Variants in GABRG3 observed in about 807,000 individuals in gnomAD.
GABRG3 encodes the protein gamma-aminobutyric acid type A receptor subunit gamma3, also known as gamma-aminobutyric acid receptor subunit gamma-3.
In GABRG3, 25 loss-of-function variants were observed where a neutral mutation model predicts 48.8. The ratio of observed to expected loss-of-function variants is 0.51; its 90% CI spans 0.37 to 0.72. The LOEUF (loss-of-function observed/expected upper bound fraction) is 0.72. Ranked by LOEUF, GABRG3 falls within the 30% of genes least tolerant of loss-of-function variation. The pLI, the probability that GABRG3 is intolerant of heterozygous loss-of-function variation, is 0.00. For missense variants in GABRG3, 394 were observed against 577.9 expected, an observed-to-expected ratio of 0.68 and a Z score of 3.26; for synonymous variants, 227 against 217.6, an observed-to-expected ratio of 1.04 and a Z score of -0.38.
intron 5 of GABRG3, among the ~76,000 whole-genome samples, chr15:27,383,679 A>G (rs1472652060): frequency 7.8e-6 from 1 of 128,422 alleles, no homozygotes; most frequent in Admixed American, 7.8e-5. Flanking sequence ...AGTCTAAAGG[A>G]AAAAAAAAAT....
chr15:27,026,774 G>A lies in GABRG3; in HGVS notation c.223G>A (p.Val75Ile), dbSNP rs751415932. ...DIGIKPTVID[V>I]DIYVNSIGPV... is the part of the protein sequence containing the mutation. Reference sequence around the variant, plus strand: ...CACAGTAAAACCGACCGTAATTGACGTTGACATTTATGTTAACAGCATTGG... The same window carrying A: ...CACAGTAAAACCGACCGTAATTGACATTGACATTTATGTTAACAGCATTGG... Residue 75 changes from valine (V) to isoleucine (I), a missense_variant, in exon 3 of 10, where the codon GTT becomes ATT. Physicochemically the swap from Val to Ile is conservative, Grantham distance 29. Coordinates refer to ENST00000615808, the MANE Select transcript of GABRG3 (RefSeq NM_033223.5). 19 of 1,611,266 alleles carry A rather than the reference G, an allele frequency of 1.2e-5. No individual in the cohort carries two copies. Among genetic ancestry groups the A allele is most frequent in the Admixed American group, 8.4e-5 (5 of 59,262 alleles).
intron 2 of GABRG3, among the ~76,000 whole-genome samples, chr15:26,985,232 G>A (rs1895129779): frequency 6.6e-6 from 1 of 152,186 alleles, no homozygotes; most frequent in Admixed American, 6.5e-5. Flanking sequence ...GTGCCACCAG[G>A]GCTTGCTTTC....
chr15:27,317,753 T>C (rs1039256916), intron 3 of GABRG3, among the ~76,000 whole-genome samples: 1 of 152,156 alleles, frequency 6.6e-6, no homozygotes, highest in East Asian at 1.9e-4. Context: ...TCAAACCTTT[T>C]GGAGCTAAAA....
At chr15:27,206,897 G>A (rs1595585340) in intron 3 of GABRG3, among the ~76,000 whole-genome samples, 1 of 151,994 alleles carries the variant, frequency 6.6e-6, no homozygotes, top group Non-Finnish European at 1.5e-5. Flanking sequence ...TTTTCTGTTT[G>A]TCTGATAGAT....
intron 3 of GABRG3, among the ~76,000 whole-genome samples, chr15:27,042,709 G>A (rs1417803885): frequency 1.3e-5 from 2 of 152,242 alleles, no homozygotes; most frequent in African/African-American, 4.8e-5. Context: ...CTCTCCACAT[G>A]CCCTTGGGGC....
chr15:27,045,097 C>G (rs1004325983), intron 3 of GABRG3, among the ~76,000 whole-genome samples: 1 of 152,116 alleles, frequency 6.6e-6, no homozygotes, highest in Non-Finnish European at 1.5e-5. Context: ...ACTACTGAGA[C>G]AGATTATTAT....
chr15:27,122,789 G>A (rs1039313884), intron 3 of GABRG3, among the ~76,000 whole-genome samples: 1 of 152,206 alleles, frequency 6.6e-6, no homozygotes, highest in Non-Finnish European at 1.5e-5. Flanking sequence ...AGAGAATTAG[G>A]TGACGATTGC....
intron 3 of GABRG3, among the ~76,000 whole-genome samples, chr15:27,071,544 T>C (rs1896827506): frequency 6.6e-6 from 1 of 152,216 alleles, no homozygotes; most frequent in African/African-American, 2.4e-5. Context: ...TTCAGTACCG[T>C]GTCCATAGAT....
chr15:27,041,994 A>G (rs1896284757), intron 3 of GABRG3, among the ~76,000 whole-genome samples: 1 of 152,172 alleles, frequency 6.6e-6, no homozygotes, highest in South Asian at 2.1e-4. Context: ...TCTACGTGCA[A>G]TGCAGGTCTC....
rs372819072 is a variant in GABRG3, at chr15:27,041,458, G to A, written c.270+14637G>A. Among the ~76,000 whole-genome samples, 103 of 152,256 alleles carry A rather than the reference G, an allele frequency of 6.8e-4. 3 individuals are homozygous for A. In the South Asian group the frequency reaches 0.014, roughly 21 times the overall value. Reference sequence around the variant, plus strand: ...GGCCTCTCAAAGTGCTGGGATTACAGGTGTGAGCCACCACGCCCAGCCAAC... The same window carrying A: ...GGCCTCTCAAAGTGCTGGGATTACAAGTGTGAGCCACCACGCCCAGCCAAC... On this transcript the variant is annotated intron_variant, in intron 3 of 9. Coordinates refer to ENST00000615808, the MANE Select transcript of GABRG3 (RefSeq NM_033223.5).
intron 3 of GABRG3, among the ~76,000 whole-genome samples, chr15:27,210,312 C>G (rs566729980): frequency 6.6e-6 from 1 of 152,162 alleles, no homozygotes; most frequent in African/African-American, 2.4e-5. Context: ...CTTACAGATG[C>G]GAAAATAAGT....
At chr15:27,273,175 A>T (rs1891144403) in intron 3 of GABRG3, among the ~76,000 whole-genome samples, 1 of 152,208 alleles carries the variant, frequency 6.6e-6, no homozygotes. Flanking sequence ...TTGTCTCGGG[A>T]TTCTATCTGA....
At chr15:27,020,521 C>T (rs969163144) in intron 2 of GABRG3, among the ~76,000 whole-genome samples, 5 of 152,176 alleles carry the variant, frequency 3.3e-5, no homozygotes, top group African/African-American at 9.6e-5. Flanking sequence ...ACGCCATTCT[C>T]CTGCCTCAGC....
chr15:27,087,212 A>G (rs570313065), intron 3 of GABRG3, among the ~76,000 whole-genome samples: 1 of 152,326 alleles, frequency 6.6e-6, no homozygotes, highest in South Asian at 2.1e-4. Context: ...GCTGCTGCTC[A>G]GTGAGGTGCA....
At chr15:27,469,036 A>G (rs1889702341) in intron 5 of GABRG3, among the ~76,000 whole-genome samples, 1 of 152,184 alleles carries the variant, frequency 6.6e-6, no homozygotes, top group Non-Finnish European at 1.5e-5. Context: ...CTTCCAACCA[A>G]CAGCAGTAGA....
At chr15:27,154,202 A>G (rs939071929) in intron 3 of GABRG3, among the ~76,000 whole-genome samples, 4 of 152,108 alleles carry the variant, frequency 2.6e-5, no homozygotes, top group African/African-American at 9.7e-5. Context: ...AGCCCTGTTG[A>G]TATGTGGCAT....
At chr15:27,156,844 GTGTTTT>G (rs1472466184) in intron 3 of GABRG3, among the ~76,000 whole-genome samples, 1 of 152,180 alleles carries the variant, frequency 6.6e-6, no homozygotes, top group Admixed American at 6.5e-5. Context: ...ATGGTGTGGA[GTGTTTT>G]CCTGTCTTTT....
At chr15:27,159,222 C>T (rs527290201) in intron 3 of GABRG3, among the ~76,000 whole-genome samples, 2 of 152,074 alleles carry the variant, frequency 1.3e-5, no homozygotes, top group Non-Finnish European at 2.9e-5. Flanking sequence ...TGGTTCACGC[C>T]TATAATCCCA....
intron 5 of GABRG3, among the ~76,000 whole-genome samples, chr15:27,386,899 A>G (rs1283570999): frequency 1.3e-5 from 2 of 152,238 alleles, no homozygotes; most frequent in Non-Finnish European, 2.9e-5. Flanking sequence ...AGAAAAATGG[A>G]ATCACACAGG....
Sources: allele counts gnomAD v4.1 joint callset (sites outside exome capture counted in the v4.1 genomes callset), GRCh38; gene constraint gnomAD v4.1.1; transcripts MANE v1.5; gene names NCBI Gene and HGNC (gene_info 2026-07-23, HGNC 2026-07-21).